The following PDS5A variants were observed in gnomAD, a reference collection of about 807,000 sequenced individuals.
The protein encoded by PDS5A is sister chromatid cohesion protein PDS5 homolog A.
A neutral mutation model predicts 167.1 loss-of-function variants in PDS5A; 42 were observed. The observed-to-expected ratio is 0.25, with a 90% CI of 0.20 to 0.33. The LOEUF (loss-of-function observed/expected upper bound fraction) is 0.33, where lower values mean the gene tolerates loss of function less well. Among genes scored for constraint, PDS5A ranks in the 10% least tolerant of loss-of-function variants. The probability of loss-of-function intolerance (pLI) is 1.00; values close to 1 mark genes in which losing one functional copy is unlikely to be tolerated. For missense variants in PDS5A, 1,033 were observed against 1,605.9 expected (o/e 0.64, Z 6.10); for synonymous variants, 553 against 554.6 (o/e 1.00, Z 0.04).
intron 2 of PDS5A, among the ~76,000 whole-genome samples, chr4:39,975,401 G>A (rs1177973036): frequency 6.6e-6 from 1 of 152,186 alleles, no homozygotes; most frequent in Admixed American, 6.6e-5. Context: ...GGCTCCAAGA[G>A]CAAGAGGCCA....
chr4:39,840,417 C>T (rs1716883177), intron 31 of PDS5A, among the ~76,000 whole-genome samples: 1 of 152,146 alleles, frequency 6.6e-6, no homozygotes, highest in African/African-American at 2.4e-5. Flanking sequence ...GGTGGATCAC[C>T]TGAGGTCAGG....
intron 22 of PDS5A, among the ~76,000 whole-genome samples, chr4:39,867,730 C>CAA (rs1303968389): frequency 1.7e-3 from 132 of 77,754 alleles, no homozygotes; most frequent in African/African-American, 6.8e-3. Flanking sequence ...ATAAAAAAAC[C>CAA]AAAACACACA....
intron 2 of PDS5A, among the ~76,000 whole-genome samples, chr4:39,938,684 A>C (rs1407691159): frequency 2.0e-5 from 3 of 151,830 alleles, no homozygotes; most frequent in African/African-American, 7.3e-5. Flanking sequence ...AATACTATAT[A>C]AGTTAGGCCA....
intron 2 of PDS5A, among the ~76,000 whole-genome samples, chr4:39,956,569 T>C (rs556343655): frequency 6.6e-6 from 1 of 151,364 alleles, no homozygotes; most frequent in East Asian, 1.9e-4. Flanking sequence ...CTATACAACA[T>C]TATTTCAAAA....
chr4:39,970,335 T>C (rs753069761), intron 2 of PDS5A, among the ~76,000 whole-genome samples: 1 of 151,642 alleles, frequency 6.6e-6, no homozygotes, highest in East Asian at 1.9e-4. Context: ...GAAACAGGAA[T>C]GAAAAGCTCT....
At chr4:39,867,666 G>A (rs561460004) in intron 22 of PDS5A, among the ~76,000 whole-genome samples, 60 of 151,876 alleles carry the variant, frequency 4.0e-4, no homozygotes, top group Non-Finnish European at 4.6e-4. Context: ...GTTGCAGTGA[G>A]CTGAGATTGT....
chr4:39,838,284 G>C (rs549665578), intron 31 of PDS5A, 76 bp from the exon 32 acceptor site: 727 of 1,123,470 alleles, frequency 6.5e-4, no homozygotes, highest in Non-Finnish European at 8.5e-4. Context: ...AGAGTGTTTT[G>C]AAAGTATTTT....
At chr4:39,879,107 T>G (rs1720725411) in intron 18 of PDS5A, among the ~76,000 whole-genome samples, 2 of 152,188 alleles carry the variant, frequency 1.3e-5, no homozygotes, top group South Asian at 4.1e-4. Flanking sequence ...TAACATCCAT[T>G]GCACTGGTTT....
At chr4:39,864,978 C>T (rs1489813503) in intron 23 of PDS5A, among the ~76,000 whole-genome samples, 4 of 151,940 alleles carry the variant, frequency 2.6e-5, no homozygotes, top group African/African-American at 4.8e-5. Context: ...TTCTTTTATA[C>T]TCATGAATTA....
intron 23 of PDS5A, among the ~76,000 whole-genome samples, chr4:39,863,934 T>C (rs1233830790): frequency 6.6e-6 from 1 of 151,926 alleles, no homozygotes. Flanking sequence ...ATTGAGACCA[T>C]CCTGGCCAAC....
At chr4:39,874,160 A>T in intron 20 of PDS5A, 129 bp downstream of exon 20, 1 of 658,696 alleles carries the variant, frequency 1.5e-6, no homozygotes, top group Non-Finnish European at 2.5e-6. Context: ...ATCCTTGCTC[A>T]CAAGGAATTT....
At chr4:39,886,605 T>C (rs1286185868) in intron 17 of PDS5A, among the ~76,000 whole-genome samples, 3 of 151,632 alleles carry the variant, frequency 2.0e-5, no homozygotes, top group African/African-American at 7.3e-5. Flanking sequence ...CATGGCTACT[T>C]GGGAGGCTGA....
At chr4:39,933,571 ATTG>A (rs1726291047) in intron 2 of PDS5A, 1 of 152,172 alleles carries the variant, frequency 6.6e-6, no homozygotes, top group Admixed American at 6.5e-5. Flanking sequence ...GACTTCCCAG[ATTG>A]TTATTAAATT....
chr4:39,854,235 G>C (rs937653060), intron 26 of PDS5A, among the ~76,000 whole-genome samples: 1 of 152,134 alleles, frequency 6.6e-6, no homozygotes, highest in Admixed American at 6.6e-5. Context: ...CCTGGGAGGC[G>C]GAGGTTGCAA....
At chr4:39,956,821 T>A (rs557719347) in intron 2 of PDS5A, among the ~76,000 whole-genome samples, 1 of 151,892 alleles carries the variant, frequency 6.6e-6, no homozygotes, top group South Asian at 2.1e-4. Flanking sequence ...TATAGGCGCC[T>A]GCACCACATC....
chr4:39,970,906 C>T (rs1238164209), intron 2 of PDS5A, among the ~76,000 whole-genome samples: 1 of 144,182 alleles, frequency 6.9e-6, no homozygotes, highest in Non-Finnish European at 1.5e-5. Flanking sequence ...TTGAGTGATC[C>T]TCCCACCTCA....
chr4:39,909,051 A>AAAATAAAATAAATAAAATAAATAAAAT, intron 10 of PDS5A, among the ~76,000 whole-genome samples: 1 of 99,126 alleles, frequency 1.0e-5, no homozygotes, highest in Admixed American at 1.1e-4. Context: ...AAAATAAAAT[A>AAAATAAAATAAATAAAATAAATAAAAT]AAATAAAATA....
rs142108079 is a variant in PDS5A at position 39,958,263 on chromosome 4, T to C, written c.138+18177A>G. On this transcript the variant is annotated intron_variant, in intron 2 of 32. Coordinates refer to ENST00000303538, the MANE Select transcript of PDS5A (RefSeq NM_001100399.2). Reference sequence around the variant, plus strand: ...GGTTCACACCTGTAATCCCAGCACATTGGGAGGTCGAAGCAGGAGGATCTC... The same window carrying C: ...GGTTCACACCTGTAATCCCAGCACACTGGGAGGTCGAAGCAGGAGGATCTC... Among the ~76,000 whole-genome samples the C allele has an allele frequency of 4.7e-3, 715 of 151,964 alleles. 8 individuals carry two copies. The highest frequency in any genetic ancestry group is 0.016 in the African/African-American group (673 of 41,462).
At chr4:39,957,786 CAAAA>C (rs34253629) in intron 2 of PDS5A, among the ~76,000 whole-genome samples, 3 of 87,796 alleles carry the variant, frequency 3.4e-5, no homozygotes. Flanking sequence ...GACTCCATCT[CAAAA>C]AAAAAAAAAA....
Sources: gnomAD v4.1 joint callset for allele counts (sites outside exome capture counted in the v4.1 genomes callset) on GRCh38, gnomAD v4.1.1 for gene constraint, MANE v1.5 for transcripts, NCBI Gene and HGNC (gene_info 2026-07-23, HGNC 2026-07-21) for gene names.